MYO3A: variants seen among roughly 807,000 people sequenced by gnomAD.
MYO3A encodes myosin-IIIa.
Under a neutral mutation model 192.7 loss-of-function variants are expected in MYO3A, and 180 were observed. The observed-to-expected ratio is 0.93, with a 90% CI of 0.83 to 1.06. The LOEUF (loss-of-function observed/expected upper bound fraction) is 1.06. Among genes scored for constraint, MYO3A ranks in the 50% least tolerant of loss-of-function variants. The probability of loss-of-function intolerance (pLI) is 0.00; values close to 1 mark genes in which losing one functional copy is unlikely to be tolerated. For missense variants in MYO3A, 1,896 were observed against 1,905.0 expected, an observed-to-expected ratio of 1.00 and a Z score of 0.09; for synonymous variants, 628 against 645.3, an observed-to-expected ratio of 0.97 and a Z score of 0.41.
rs886073099 is a variant in MYO3A at position 26,004,331 on chromosome 10, G to A, written c.508+7073G>A. 9.7e-4 allele frequency among the ~76,000 whole-genome samples: 147 copies of A among 152,176 alleles called. 1 individual carries two copies. Among genetic ancestry groups the A allele is most frequent in the African/African-American group, 3.5e-3 (144 of 41,520 alleles). ...AGTCAGGAGATATACTGAGGACAAC[G>A]GGCGGCAGGTTTCTTACTGTTACAG... On this transcript the variant is annotated intron_variant, in intron 6 of 34. Transcript: ENST00000642920.
chr10:26,085,732 C>T (rs550550028), intron 14 of MYO3A, among the ~76,000 whole-genome samples: 29 of 152,328 alleles, frequency 1.9e-4, no homozygotes, highest in African/African-American at 6.7e-4. Flanking sequence ...CAGCCAGGCT[C>T]AGAGCCTGTG....
intron 34 of MYO3A, among the ~76,000 whole-genome samples, chr10:26,208,490 A>G (rs1330572): frequency 0.3 from 46,128 of 152,086 alleles, 9,656 homozygotes; most frequent in African/African-American, 0.59. Context: ...TGCAAATTGA[A>G]AATAACAAGA....
chr10:26,047,852 G>T (rs1843722218), intron 10 of MYO3A, among the ~76,000 whole-genome samples: 1 of 151,950 alleles, frequency 6.6e-6, no homozygotes, highest in Admixed American at 6.6e-5. Context: ...CCCATAGGAG[G>T]CCGGACACTG....
intron 31 of MYO3A, among the ~76,000 whole-genome samples, chr10:26,178,653 G>A (rs1443620494): frequency 6.6e-6 from 1 of 151,958 alleles, no homozygotes; most frequent in African/African-American, 2.4e-5. Flanking sequence ...TGATTTTCCT[G>A]AAGAAAATAT....
intron 15 of MYO3A, among the ~76,000 whole-genome samples, chr10:26,093,000 C>A (rs1456688471): frequency 6.6e-6 from 1 of 152,130 alleles, no homozygotes; most frequent in African/African-American, 2.4e-5. Context: ...AATTATAATT[C>A]TCAATAAATG....
intron 18 of MYO3A, among the ~76,000 whole-genome samples, chr10:26,124,339 T>C (rs1015316448): frequency 6.6e-6 from 1 of 152,162 alleles, no homozygotes; most frequent in African/African-American, 2.4e-5. Flanking sequence ...ATTATTGATA[T>C]ATTATCATAT....
chr10:25,938,515 T>TAGCTGACC (rs771641654), intron 2 of MYO3A, among the ~76,000 whole-genome samples: 2 of 152,188 alleles, frequency 1.3e-5, no homozygotes, highest in Non-Finnish European at 2.9e-5. Flanking sequence ...CAAAATTCTA[T>TAGCTGACC]AGCTGACCAG....
At chr10:26,102,804 G>T (rs1320539600) in intron 17 of MYO3A, among the ~76,000 whole-genome samples, 3 of 152,190 alleles carry the variant, frequency 2.0e-5, no homozygotes, top group African/African-American at 7.2e-5. Flanking sequence ...GGTGTCAGTC[G>T]GCCCCTACTG....
At chr10:25,965,957 T>TCTC (rs1838233890) in intron 4 of MYO3A, among the ~76,000 whole-genome samples, 3 of 148,470 alleles carry the variant, frequency 2.0e-5, no homozygotes, top group Admixed American at 2.0e-4. Flanking sequence ...CTGTTTTTTT[T>TCTC]TTTCTCTCTC....
At chr10:26,026,107 G>A (rs1423780203) in intron 9 of MYO3A, among the ~76,000 whole-genome samples, 4 of 137,320 alleles carry the variant, frequency 2.9e-5, no homozygotes, top group Non-Finnish European at 3.4e-5. Context: ...ATCCTTACTG[G>A]GAGACGACAG....
chr10:26,176,311 C>T (rs1564623020), intron 30 of MYO3A, among the ~76,000 whole-genome samples: 1 of 150,352 alleles, frequency 6.7e-6, no homozygotes, highest in Non-Finnish European at 1.5e-5. Flanking sequence ...AAAAAAAAGA[C>T]TGGAAAGAAA....
intron 10 of MYO3A, among the ~76,000 whole-genome samples, chr10:26,063,938 T>C (rs1455857700): frequency 1.3e-5 from 2 of 152,224 alleles, no homozygotes; most frequent in Non-Finnish European, 1.5e-5. Context: ...CAACTATTTA[T>C]TGAGTGCCTA....
At chr10:25,968,112 A>C (rs1031510899) in intron 4 of MYO3A, among the ~76,000 whole-genome samples, 7 of 152,332 alleles carry the variant, frequency 4.6e-5, no homozygotes, top group Admixed American at 4.6e-4. Context: ...AGAAAGCCAC[A>C]CTAAGGTATG....
intron 20 of MYO3A, 148 bp from the exon 21 acceptor site, chr10:26,143,300 C>A: frequency 1.3e-6 from 1 of 770,086 alleles, no homozygotes; most frequent in Non-Finnish European, 2.1e-6. Context: ...CAATATACTC[C>A]AGCCTGGACG....
chr10:26,039,207 A>ATTTTTTT (rs34416918), intron 10 of MYO3A, among the ~76,000 whole-genome samples: 11 of 106,832 alleles, frequency 1.0e-4, no homozygotes, highest in South Asian at 3.4e-4. Context: ...GGCTCGGCTA[A>ATTTTTTT]TTTTTTTTTT....
intron 2 of MYO3A, among the ~76,000 whole-genome samples, chr10:25,944,280 T>C (rs1428085322): frequency 1.3e-5 from 2 of 152,056 alleles, no homozygotes; most frequent in African/African-American, 2.4e-5. Context: ...CCTTTTAATA[T>C]GCTGTTGAAG....
At chr10:26,144,978 C>G (rs1238555996) in intron 21 of MYO3A, among the ~76,000 whole-genome samples, 1 of 152,102 alleles carries the variant, frequency 6.6e-6, no homozygotes, top group Non-Finnish European at 1.5e-5. Flanking sequence ...GAGTTCGAGA[C>G]CAGCCTGGCC....
At chr10:26,201,408 C>T (rs951171940) in intron 33 of MYO3A, 103 bp downstream of exon 33, 40 of 774,582 alleles carry the variant, frequency 5.2e-5, no homozygotes, top group African/African-American at 2.3e-4. Flanking sequence ...AGGCCAGGCG[C>T]GGTGGCTCAC....
At position 26,211,994 on chromosome 10, in the gene MYO3A, A is replaced by T. The variant is rs766272651; in HGVS notation, c.*31A>T. ...CAACGAGGCAGTCACCGCCGTCGGA[A>T]GGCGCTGGAGCCTGCGGGGCAGCAG... is the stretch of plus-strand genomic sequence containing the variant. On this transcript the variant is annotated 3_prime_UTR_variant, in exon 35 of 35. Transcript: ENST00000642920. The T allele has an allele frequency of 6.2e-6, 10 of 1,603,888 alleles. No individual in the cohort carries two copies. The South Asian group carries it at 6.6e-5, about 11-fold the overall frequency.
Sources: allele counts gnomAD v4.1 joint callset (sites outside exome capture counted in the v4.1 genomes callset), GRCh38; gene constraint gnomAD v4.1.1; transcripts MANE v1.5; gene names NCBI Gene and HGNC (gene_info 2026-07-23, HGNC 2026-07-21).